The following OPA1 variants were observed in gnomAD, a reference collection of about 807,000 sequenced individuals.
The protein encoded by OPA1 is OPA1 mitochondrial dynamin like GTPase, also known as dynamin-like GTPase OPA1, mitochondrial.
In OPA1, 59 loss-of-function variants were observed where a neutral mutation model predicts 152.9. The ratio of observed to expected loss-of-function variants is 0.39; its 90% confidence interval spans 0.31 to 0.48. OPA1 has a LOEUF of 0.48. OPA1 is among the 20% of genes least tolerant of loss of function. The pLI is 0.96. For synonymous variants in OPA1, 400 were observed against 389.9 expected, an observed-to-expected ratio of 1.03 and a Z score of -0.31; for missense variants, 1,008 against 1,216.8, an observed-to-expected ratio of 0.83 and a Z score of 2.55.
Position 193,614,878 on chromosome 3 carries a change from C to T in OPA1, c.188C>T (p.Ser63Phe). ...PQLRTSFQQFSSLTNLPLRKL... is the reference protein window; with the variant it reads ...PQLRTSFQQFFSLTNLPLRKL... ...TTAAGGACATCCTTTCAGCAGTTCT[C>T]TTCTCTGACAAACCTTCCTTTACGT... The change falls in exon 2 of 31, where the codon TCT (serine) becomes TTT (phenylalanine). Residue 63 changes from serine to phenylalanine, a missense_variant. Coordinates refer to ENST00000361510, the MANE Select transcript of OPA1 (RefSeq NM_130837.3). 6.2e-7 allele frequency: 1 copy of T among 1,614,090 alleles called. No individual in the cohort carries two copies. Among genetic ancestry groups the T allele is most frequent in the East Asian group, 2.2e-5 (1 of 44,878 alleles).
chr3:193,668,417 A>T (rs1410516240), intron 29 of OPA1: 1 of 1,551,012 alleles, frequency 6.4e-7, no homozygotes, highest in African/African-American at 1.4e-5. Context: ...GGGCTCTGAC[A>T]TCCGTGCCAG....
chr3:193,594,114 CAT>C (rs1275946081), intron 1 of OPA1, among the ~76,000 whole-genome samples: 1 of 152,108 alleles, frequency 6.6e-6, no homozygotes, highest in Non-Finnish European at 1.5e-5. Flanking sequence ...AATAGAAAAT[CAT>C]AGAAATCTTT....
Position 193,631,681 on chromosome 3 carries a change from A to G in OPA1, c.843+16A>G, listed in dbSNP as rs774591338. ...GCACACTCAGGTAATCATGATGACT[A>G]AGAAAAACTAGGGACTTTTAAAAAT... On this transcript the variant is annotated intron_variant, in intron 8 of 30. Coordinates refer to ENST00000361510, the MANE Select transcript of OPA1 (RefSeq NM_130837.3). The G allele has an allele frequency of 3.1e-6, 5 of 1,603,520 alleles. No individual in the cohort carries two copies. The South Asian group carries it at 5.5e-5, about 18-fold the overall frequency.
At chr3:193,608,435 T>C (rs1727639796) in intron 1 of OPA1, among the ~76,000 whole-genome samples, 1 of 152,238 alleles carries the variant, frequency 6.6e-6, no homozygotes, top group Non-Finnish European at 1.5e-5. Flanking sequence ...AGAACATCTT[T>C]ACTTCTGCCT....
intron 11 of OPA1, among the ~76,000 whole-genome samples, chr3:193,639,993 T>A (rs537844158): frequency 2.6e-5 from 4 of 151,952 alleles, no homozygotes; most frequent in African/African-American, 9.7e-5. Flanking sequence ...CTGAACAAAT[T>A]GAAGGATGTA....
At chr3:193,605,668 T>C (rs1291054340) in intron 1 of OPA1, among the ~76,000 whole-genome samples, 1 of 152,224 alleles carries the variant, frequency 6.6e-6, no homozygotes, top group Non-Finnish European at 1.5e-5. Context: ...AGGAAAACTC[T>C]TAAGATTATT....
intron 29 of OPA1, chr3:193,688,967 G>C (rs912370363): frequency 2.6e-4 from 39 of 152,198 alleles, no homozygotes; most frequent in African/African-American, 9.2e-4. Context: ...GGGTGACAGT[G>C]CAAGACTCTG....
chr3:193,616,250 C>G (rs1728997627), intron 3 of OPA1, among the ~76,000 whole-genome samples: 1 of 152,134 alleles, frequency 6.6e-6, no homozygotes, highest in Non-Finnish European at 1.5e-5. Context: ...TAGCTCAAAC[C>G]TCTCACCTCA....
intron 20 of OPA1, 60 bp from the exon 21 acceptor site, chr3:193,648,735 A>C: frequency 8.4e-7 from 1 of 1,194,016 alleles, no homozygotes; most frequent in Non-Finnish European, 1.2e-6. Context: ...TCTGAAAATC[A>C]TGACAGGGTA....
At chr3:193,638,874 A>C (rs1214152918) in intron 11 of OPA1, among the ~76,000 whole-genome samples, 1 of 152,218 alleles carries the variant, frequency 6.6e-6, no homozygotes, top group Non-Finnish European at 1.5e-5. Flanking sequence ...ATAATCATAA[A>C]AGTGAAGATA....
intron 25 of OPA1, among the ~76,000 whole-genome samples, chr3:193,661,922 TATTA>T (rs1177487206): frequency 2.6e-5 from 4 of 152,184 alleles, no homozygotes; most frequent in Non-Finnish European, 5.9e-5. Context: ...TTTCAGAGAG[TATTA>T]ATTAGTAGTT....
chr3:193,692,990 A>C (rs1721880593), intron 30 of OPA1, among the ~76,000 whole-genome samples: 1 of 152,256 alleles, frequency 6.6e-6, no homozygotes, highest in Admixed American at 6.5e-5. Flanking sequence ...CTTTTATAAA[A>C]GAAGTTGAGG....
intron 26 of OPA1, 122 bp downstream of exon 26, chr3:193,663,084 T>A (rs1715675984): frequency 1.1e-6 from 1 of 909,114 alleles, no homozygotes; most frequent in African/African-American, 1.7e-5. Context: ...ACGTGTACAT[T>A]TGCTGACAGT....
chr3:193,610,204 A>G (rs1002399396), intron 1 of OPA1, among the ~76,000 whole-genome samples: 9 of 152,094 alleles, frequency 5.9e-5, no homozygotes, highest in Non-Finnish European at 7.3e-5. Context: ...TGATGTACAG[A>G]TGGGTTTTTG....
chr3:193,684,794 A>G (rs1216877725), intron 29 of OPA1, among the ~76,000 whole-genome samples: 1 of 151,960 alleles, frequency 6.6e-6, no homozygotes, highest in Non-Finnish European at 1.5e-5. Context: ...AATCATTATA[A>G]CTGAGCTGAA....
At chr3:193,611,596 CAAAAA>C (rs35159597) in intron 1 of OPA1, among the ~76,000 whole-genome samples, 3 of 68,794 alleles carry the variant, frequency 4.4e-5, no homozygotes, top group Admixed American at 1.8e-4. Context: ...GACTCCACCT[CAAAAA>C]AAAAAAAAAA....
chr3:193,663,539 C>T (rs1175648699), intron 26 of OPA1, among the ~76,000 whole-genome samples: 4 of 151,966 alleles, frequency 2.6e-5, no homozygotes, highest in African/African-American at 7.3e-5. Flanking sequence ...AAAATACTTT[C>T]GGGCCCACGT....
intron 11 of OPA1, among the ~76,000 whole-genome samples, chr3:193,641,382 C>T (rs1270515065): frequency 2.0e-5 from 3 of 152,078 alleles, no homozygotes; most frequent in Non-Finnish European, 2.9e-5. Context: ...GCATTTTAAC[C>T]TCCTTAGCAG....
chr3:193,683,273 CTTT>C (rs35730104), intron 29 of OPA1, among the ~76,000 whole-genome samples: 1 of 140,698 alleles, frequency 7.1e-6, no homozygotes, highest in Non-Finnish European at 1.6e-5. Context: ...TTTCTTTTTT[CTTT>C]TTTTTTTTTT....
Sources: allele counts gnomAD v4.1 joint callset (sites outside exome capture counted in the v4.1 genomes callset), GRCh38; gene constraint gnomAD v4.1.1; transcripts MANE v1.5; gene names NCBI Gene and HGNC (gene_info 2026-07-23, HGNC 2026-07-21).